Variants in NKAIN2 observed in about 807,000 individuals in gnomAD.
The protein encoded by NKAIN2 is sodium/potassium transporting ATPase interacting 2.
Under a neutral mutation model 32.6 loss-of-function variants are expected in NKAIN2, and 14 were observed. That is an observed-to-expected ratio of 0.43 (90% CI 0.28 to 0.67). NKAIN2 has a LOEUF of 0.67. Ranked by LOEUF, NKAIN2 falls within the 30% of genes least tolerant of loss-of-function variation. The pLI is 0.17. For missense variants in NKAIN2, 198 were observed against 258.3 expected (o/e 0.77, Z 1.60); for synonymous variants, 80 against 87.2 (o/e 0.92, Z 0.46).
intron 1 of NKAIN2, among the ~76,000 whole-genome samples, chr6:123,985,017 C>G (rs1779069630): frequency 6.6e-6 from 1 of 152,046 alleles, no homozygotes. Flanking sequence ...TTTAGTGACC[C>G]CATCTGAAGG....
chr6:124,474,285 T>TA (rs1296405391), intron 3 of NKAIN2, among the ~76,000 whole-genome samples: 1 of 152,134 alleles, frequency 6.6e-6, no homozygotes, highest in Non-Finnish European at 1.5e-5. Context: ...TTAAGTTTTT[T>TA]ATCACAAAGA....
chr6:124,313,343 G>T, intron 2 of NKAIN2, among the ~76,000 whole-genome samples: 1 of 152,016 alleles, frequency 6.6e-6, no homozygotes, highest in East Asian at 1.9e-4. Flanking sequence ...TTGCCTTCGT[G>T]CTGTGTCTGA....
Position 124,156,959 on chromosome 6 carries a change from G to A in NKAIN2, c.55-126046G>A, listed in dbSNP as rs1015876258. Among the ~76,000 whole-genome samples the A allele has an allele frequency of 5.5e-4, 83 of 151,450 alleles. 1 individual carries two copies. Among genetic ancestry groups the A allele is most frequent in the African/African-American group, 1.9e-3 (80 of 41,232 alleles). On this transcript the variant is annotated intron_variant, in intron 1 of 6. Coordinates refer to ENST00000368417, the MANE Select transcript of NKAIN2 (RefSeq NM_001040214.3). ...CTTTACTAAAAATACAAAAATTAAC[G>A]TGGTGTGGTGGTGCACATCTGTAGT...
chr6:124,380,614 T>G (rs1228033369), intron 3 of NKAIN2, among the ~76,000 whole-genome samples: 1 of 152,140 alleles, frequency 6.6e-6, no homozygotes, highest in Non-Finnish European at 1.5e-5. Flanking sequence ...GCAAGAAGTC[T>G]CATCTGGAAA....
intron 1 of NKAIN2, among the ~76,000 whole-genome samples, chr6:124,247,022 C>T (rs1793444753): frequency 1.3e-5 from 2 of 152,066 alleles, no homozygotes; most frequent in Middle Eastern, 3.4e-3. Flanking sequence ...CAGGTCTTTG[C>T]ACATAATTTC....
chr6:124,330,427 C>G (rs927832163), intron 2 of NKAIN2, among the ~76,000 whole-genome samples: 1 of 152,276 alleles, frequency 6.6e-6, no homozygotes, highest in Non-Finnish European at 1.5e-5. Context: ...GCAATAGAAG[C>G]TGATCCCATG....
intron 5 of NKAIN2, among the ~76,000 whole-genome samples, chr6:124,804,887 A>T (rs1051895645): frequency 1.2e-4 from 18 of 152,138 alleles, no homozygotes; most frequent in Non-Finnish European, 4.4e-5. Flanking sequence ...AGTCTCACTG[A>T]TTGCTAGCAC....
At chr6:124,104,074 G>A (rs1339391082) in intron 1 of NKAIN2, among the ~76,000 whole-genome samples, 2 of 151,990 alleles carry the variant, frequency 1.3e-5, no homozygotes, top group African/African-American at 2.4e-5. Flanking sequence ...GCGACAGAGC[G>A]AGACTCCATC....
intron 1 of NKAIN2, among the ~76,000 whole-genome samples, chr6:124,268,969 A>C (rs561681073): frequency 6.6e-5 from 10 of 152,272 alleles, no homozygotes; most frequent in African/African-American, 2.2e-4. Flanking sequence ...CATATGTATA[A>C]AATGCTTAGA....
intron 1 of NKAIN2, among the ~76,000 whole-genome samples, chr6:124,228,476 A>G (rs1792239279): frequency 6.6e-6 from 1 of 152,182 alleles, no homozygotes; most frequent in African/African-American, 2.4e-5. Context: ...TTGTTATAGC[A>G]GCCCAAACTG....
intron 1 of NKAIN2, among the ~76,000 whole-genome samples, chr6:124,280,250 C>T (rs1403353022): frequency 1.3e-5 from 2 of 151,870 alleles, no homozygotes; most frequent in Non-Finnish European, 2.9e-5. Context: ...CTAAACTAAA[C>T]AAAAAAGGAG....
chr6:124,638,908 AAGAT>A (rs1472817339), intron 3 of NKAIN2, among the ~76,000 whole-genome samples: 2 of 151,230 alleles, frequency 1.3e-5, no homozygotes, highest in African/African-American at 2.4e-5. Context: ...AAAAAAAAAA[AAGAT>A]AAGCAAAGAA....
At chr6:124,178,145 A>G (rs536839326) in intron 1 of NKAIN2, among the ~76,000 whole-genome samples, 24 of 152,232 alleles carry the variant, frequency 1.6e-4, no homozygotes, top group Admixed American at 1.2e-3. Context: ...AGAAACAGGA[A>G]GAAGAGGGCT....
chr6:124,582,972 A>C (rs979760600), intron 3 of NKAIN2, among the ~76,000 whole-genome samples: 25 of 152,258 alleles, frequency 1.6e-4, no homozygotes, highest in African/African-American at 5.8e-4. Flanking sequence ...TAATACCTCA[A>C]CACACTAAAA....
At chr6:124,109,172 C>A (rs910943305) in intron 1 of NKAIN2, among the ~76,000 whole-genome samples, 1 of 151,878 alleles carries the variant, frequency 6.6e-6, no homozygotes, top group Non-Finnish European at 1.5e-5. Flanking sequence ...AATATTAAGT[C>A]TTCCAGTCTT....
intron 1 of NKAIN2, among the ~76,000 whole-genome samples, chr6:123,911,077 C>T (rs1775154602): frequency 1.3e-5 from 2 of 151,988 alleles, no homozygotes; most frequent in Admixed American, 6.6e-5. Context: ...TTGCTATATT[C>T]TCATTTTATA....
At chr6:123,892,196 C>T (rs1774052853) in intron 1 of NKAIN2, among the ~76,000 whole-genome samples, 1 of 152,206 alleles carries the variant, frequency 6.6e-6, no homozygotes. Context: ...TACTTGGCCC[C>T]AGCCACAAAT....
chr6:124,186,410 C>G (rs1193301862), intron 1 of NKAIN2, among the ~76,000 whole-genome samples: 1 of 151,990 alleles, frequency 6.6e-6, no homozygotes, highest in Non-Finnish European at 1.5e-5. Context: ...TAACTGCACT[C>G]CAGCCTGAGC....
At chr6:124,332,898 A>C (rs768087090) in intron 2 of NKAIN2, among the ~76,000 whole-genome samples, 32 of 152,364 alleles carry the variant, frequency 2.1e-4, no homozygotes, top group Non-Finnish European at 4.0e-4. Flanking sequence ...TTTCAAAAGT[A>C]GATAGAACTA....
Sources: gnomAD v4.1 joint callset for allele counts (sites outside exome capture counted in the v4.1 genomes callset) on GRCh38, gnomAD v4.1.1 for gene constraint, MANE v1.5 for transcripts, NCBI Gene and HGNC (gene_info 2026-07-23, HGNC 2026-07-21) for gene names.